The following CCDC15 variants were observed in gnomAD, a reference collection of about 807,000 sequenced individuals.
CCDC15 encodes coiled-coil domain-containing protein 15.
CCDC15 carries 105 observed loss-of-function variants against 114.5 expected under a neutral mutation model. The observed-to-expected ratio is 0.92, with a 90% CI of 0.78 to 1.08. CCDC15 has a LOEUF of 1.08. CCDC15 is among the 50% of genes least tolerant of loss of function. The pLI is 0.00. For synonymous variants in CCDC15, 334 were observed against 377.8 expected, an observed-to-expected ratio of 0.88 and a Z score of 1.34; for missense variants, 1,105 against 1,093.6, an observed-to-expected ratio of 1.01 and a Z score of -0.15.
intron 4 of CCDC15, among the ~76,000 whole-genome samples, chr11:124,964,045 CCTTGT>C (rs1947721741): frequency 6.6e-6 from 1 of 152,116 alleles, no homozygotes; most frequent in Non-Finnish European, 1.5e-5. Flanking sequence ...GTTACTGTAA[CCTTGT>C]AATATAGTTT....
intron 4 of CCDC15, among the ~76,000 whole-genome samples, chr11:124,969,797 A>G (rs908678924): frequency 1.3e-5 from 2 of 152,220 alleles, no homozygotes; most frequent in Non-Finnish European, 2.9e-5. Context: ...TTAATAAGGG[A>G]AGAATCAGAA....
chr11:125,038,654 A>T (rs1190297839), intron 14 of CCDC15, 50 bp downstream of exon 14: 1 of 1,394,006 alleles, frequency 7.2e-7, no homozygotes, highest in Admixed American at 2.8e-5. Context: ...GAGACTTGGT[A>T]GAACTCATTG....
At chr11:125,006,067 T>C (rs190338058) in intron 13 of CCDC15, among the ~76,000 whole-genome samples, 1 of 152,326 alleles carries the variant, frequency 6.6e-6, no homozygotes, top group Admixed American at 6.5e-5. Context: ...TTTAGCTTAT[T>C]TGAGTAAATA....
rs117517343 is a variant in CCDC15, at chr11:124,980,344, A to T, written c.753+2744A>T. 3.7e-3 allele frequency among the ~76,000 whole-genome samples: 566 copies of T among 152,272 alleles called. 11 individuals are homozygous for T. The East Asian group carries it at 0.039, about 10-fold the overall frequency. The stretch of plus-strand genomic sequence containing the variant: ...TTTTGGAATAGTTTCAGTAGAAATG[A>T]TACCAGTTCTTCTTTATAACATCTG... On this transcript the variant is annotated intron_variant, in intron 6 of 15. Transcript: ENST00000344762.
Position 125,003,900 on chromosome 11 carries a change from G to A in CCDC15, c.2248G>A (p.Glu750Lys). Reference protein sequence around the residue: ...YDRYQSGLSTEFQAPLAFQSD... With the variant: ...YDRYQSGLSTKFQAPLAFQSD... Reference sequence around the variant, plus strand: ...TAGGTATCAATCAGGATTGAGCACTGAATTCCAAGCTCCACTGGCATTTCA... The same window carrying A: ...TAGGTATCAATCAGGATTGAGCACTAAATTCCAAGCTCCACTGGCATTTCA... Residue 750 changes from glutamate (E) to lysine (K), a missense_variant, in exon 12 of 16, where the codon GAA (glutamate) becomes AAA (lysine). Glu to Lys is a moderately conservative substitution (Grantham distance 56). Transcript: ENST00000344762. The A allele has an allele frequency of 1.9e-6, 3 of 1,565,408 alleles. No homozygotes were observed. The highest frequency in any genetic ancestry group is 1.7e-6 in the Non-Finnish European group (2 of 1,161,936).
intron 13 of CCDC15, among the ~76,000 whole-genome samples, chr11:125,031,794 G>A (rs1455223541): frequency 1.3e-5 from 2 of 152,184 alleles, no homozygotes; most frequent in Non-Finnish European, 2.9e-5. Flanking sequence ...CAGCAGCCTG[G>A]ACCTGTTGTA....
intron 8 of CCDC15, among the ~76,000 whole-genome samples, chr11:124,990,684 A>G (rs969110071): frequency 4.6e-5 from 7 of 152,200 alleles, no homozygotes; most frequent in African/African-American, 1.7e-4. Flanking sequence ...TTTTCTTTTT[A>G]TTCAATTTTT....
chr11:125,026,784 G>T (rs959494123), intron 13 of CCDC15, among the ~76,000 whole-genome samples: 6 of 151,674 alleles, frequency 4.0e-5, no homozygotes, highest in African/African-American at 1.5e-4. Flanking sequence ...ATGGTTTTTG[G>T]TTACATGGAT....
chr11:125,038,457 G>T lies in CCDC15; in HGVS notation c.2438G>T (p.Cys813Phe). The T allele has an allele frequency of 1.3e-6, 2 of 1,543,174 alleles. No homozygotes were observed. Among genetic ancestry groups the T allele is most frequent in the East Asian group, 4.7e-5 (2 of 42,654 alleles). The change falls in exon 14 of 16, where the codon TGT (cysteine) becomes TTT (phenylalanine). Residue 813 changes from cysteine (C) to phenylalanine (F), a missense_variant. Coordinates refer to ENST00000344762, the MANE Select transcript of CCDC15 (RefSeq NM_025004.3). Reference sequence around the variant, plus strand: ...ATTAAGAAAAAGAGAGAGCAAGAATGTTATGCTGCAGAGCAGAGGATCCTA... The same window carrying T: ...ATTAAGAAAAAGAGAGAGCAAGAATTTTATGCTGCAGAGCAGAGGATCCTA... ...EKIKKKREQE[C>F]YAAEQRILRM...
Position 124,987,277 on chromosome 11 carries a change from A to C in CCDC15, c.1051A>C (p.Thr351Pro). ...TTTGCTGGAAACCCAGGGTGATTTG[A>C]CAGGAATCCAGAGTGTTAAGCCAGA... ...GDLLETQGDLTGIQSVKPDTQ... is the reference protein window; with the variant it reads ...GDLLETQGDLPGIQSVKPDTQ... Residue 351 changes from threonine (T) to proline (P), a missense_variant, in exon 8 of 16, where the codon ACA becomes CCA. By Grantham distance (38) the Thr-to-Pro change is conservative (BLOSUM62 -1). Coordinates refer to ENST00000344762, the MANE Select transcript of CCDC15 (RefSeq NM_025004.3). The C allele has an allele frequency of 1.3e-6, 2 of 1,592,308 alleles. No individual in the cohort carries two copies. The highest frequency in any genetic ancestry group is 2.3e-5 in the South Asian group (2 of 86,782).
In CCDC15 at chr11:124,986,700, T is replaced by TGTGCGTGC. The variant is rs878887902; in HGVS notation, c.754-41_754-40insTGCGTGCG. 3.9e-6 allele frequency: 5 copies of TGTGCGTGC among 1,298,020 alleles called. No individual in the cohort carries two copies. The African/African-American group carries it at 8.4e-5, about 22-fold the overall frequency. The allele number at this position is 1,298,020 out of a possible 1,614,324, so 80.4% of individuals were successfully genotyped here. ...GTGTGTGTGTGTGTGTTTGTGTGTG[T>TGTGCGTGC]GCGCGCGCGCGCGTGCGCGTTTTCA... On this transcript the variant is annotated intron_variant, in intron 6 of 15. Coordinates refer to ENST00000344762, the MANE Select transcript of CCDC15 (RefSeq NM_025004.3).
chr11:124,960,037 A>T (rs1460299515), intron 4 of CCDC15, 34 bp downstream of exon 4: 1 of 1,479,118 alleles, frequency 6.8e-7, no homozygotes, highest in East Asian at 2.5e-5. Flanking sequence ...TATGTCTATG[A>T]TATTTTCCCT....
At chr11:124,990,272 G>T (rs923647748) in intron 8 of CCDC15, among the ~76,000 whole-genome samples, 6 of 152,178 alleles carry the variant, frequency 3.9e-5, no homozygotes, top group Non-Finnish European at 7.3e-5. Flanking sequence ...TAGGTTTGCT[G>T]TCTTAGATGA....
chr11:124,991,363 A>G, intron 8 of CCDC15, 98 bp from the exon 9 acceptor site: 1 of 772,186 alleles, frequency 1.3e-6, no homozygotes, highest in Non-Finnish European at 1.9e-6. Flanking sequence ...TTATCCTGAA[A>G]AAAACTACCC....
At chr11:124,963,675 T>A (rs1947715279) in intron 4 of CCDC15, among the ~76,000 whole-genome samples, 2 of 152,258 alleles carry the variant, frequency 1.3e-5, no homozygotes, top group Admixed American at 1.3e-4. Context: ...TTTTGGCTTC[T>A]GTTGCCATTG....
In CCDC15 at chr11:125,005,223, C is replaced by T. The variant is rs189535184; in HGVS notation, c.2411+11C>T. The T allele has an allele frequency of 9.2e-5, 113 of 1,233,252 alleles. No homozygotes were observed. Among genetic ancestry groups the T allele is most frequent in the African/African-American group, 5.5e-4 (37 of 66,836 alleles). 76.4% of individuals were successfully genotyped at this position (1,233,252 alleles called of 1,614,324 possible). A position where few individuals can be genotyped will look rare whatever the true frequency, so the allele number is the denominator to read the frequency against. ...GAAGAAAATTGAAAAGTAAGTTATT[C>T]GATCTGCTCTGTGAGCCTTAAATTG... On this transcript the variant is annotated intron_variant, in intron 13 of 15. Coordinates refer to ENST00000344762, the MANE Select transcript of CCDC15 (RefSeq NM_025004.3).
chr11:125,025,682 T>C (rs557401954), intron 13 of CCDC15, among the ~76,000 whole-genome samples: 4 of 152,244 alleles, frequency 2.6e-5, no homozygotes, highest in East Asian at 3.9e-4. Context: ...TCATTTCATC[T>C]AAGTTGTCAA....
intron 2 of CCDC15, 47 bp downstream of exon 2, chr11:124,954,956 T>A: frequency 6.4e-7 from 1 of 1,551,776 alleles, no homozygotes; most frequent in Non-Finnish European, 8.9e-7. Context: ...CCACCACCCT[T>A]TTTATTAGCC....
At chr11:124,968,187 A>C (rs749084892) in intron 4 of CCDC15, among the ~76,000 whole-genome samples, 2 of 152,160 alleles carry the variant, frequency 1.3e-5, no homozygotes, top group Non-Finnish European at 2.9e-5. Flanking sequence ...CTCTCTTCAG[A>C]GCTGTCAGAC....
Sources: gnomAD v4.1 joint callset for allele counts (sites outside exome capture counted in the v4.1 genomes callset) on GRCh38, gnomAD v4.1.1 for gene constraint, MANE v1.5 for transcripts, NCBI Gene and HGNC (gene_info 2026-07-23, HGNC 2026-07-21) for gene names.